Variants in ERICH1 observed in about 807,000 individuals in gnomAD.
ERICH1 encodes the protein glutamate rich 1.
ERICH1 carries 56 observed loss-of-function variants against 39.6 expected under a neutral mutation model. The observed-to-expected ratio is 1.41, with a 90% CI of 1.14 to 1.77. The LOEUF (loss-of-function observed/expected upper bound fraction) is 1.77. ERICH1 is among the 40% of genes most tolerant of loss of function. The pLI, the probability that ERICH1 is intolerant of heterozygous loss-of-function variation, is 0.00. For missense variants in ERICH1, 826 were observed against 575.4 expected, an observed-to-expected ratio of 1.44 and a Z score of -4.45; for synonymous variants, 313 against 223.6, an observed-to-expected ratio of 1.40 and a Z score of -3.57.
intron 3 of ERICH1, among the ~76,000 whole-genome samples, chr8:634,667 T>C (rs1032022890): frequency 6.6e-6 from 1 of 151,900 alleles, no homozygotes; most frequent in Non-Finnish European, 1.5e-5. Flanking sequence ...GCCCCCACGA[T>C]GGGTGGGGGG....
chr8:708,701 T>TTTG (rs1813997733), intron 2 of ERICH1, among the ~76,000 whole-genome samples: 1 of 136,572 alleles, frequency 7.3e-6, no homozygotes, highest in Non-Finnish European at 1.6e-5. Flanking sequence ...TTTTTTTTTT[T>TTTG]TTTTTTTTTT....
intron 2 of ERICH1, among the ~76,000 whole-genome samples, chr8:715,155 C>A (rs1184939903): frequency 4.0e-5 from 6 of 151,012 alleles, no homozygotes; most frequent in South Asian, 2.1e-4. Flanking sequence ...TGTGCTGCAC[C>A]CAGGTGGCCT....
At chr8:634,183 A>AACAAACAAACAAACAAAAAACAAAC (rs1554481906) in intron 3 of ERICH1, among the ~76,000 whole-genome samples, 6 of 135,846 alleles carry the variant, frequency 4.4e-5, no homozygotes, top group Admixed American at 1.5e-4. Context: ...AAAAAAAAAA[A>AACAAACAAACAAACAAAAAACAAAC]AAACAAACAA....
At chr8:722,168 C>T (rs1007868070) in intron 1 of ERICH1, among the ~76,000 whole-genome samples, 26 of 151,800 alleles carry the variant, frequency 1.7e-4, no homozygotes, top group African/African-American at 5.8e-4. Flanking sequence ...ACTCTAGTGC[C>T]CATCAAAAAG....
chr8:664,080 A>T, downstream of ERICH1: 1 of 283,808 alleles, frequency 3.5e-6, no homozygotes, highest in Non-Finnish European at 5.3e-6. Flanking sequence ...TTTAACACTT[A>T]GTAATACCAA....
At chr8:654,676 G>C (rs950464528) in intron 3 of ERICH1, among the ~76,000 whole-genome samples, 1 of 152,154 alleles carries the variant, frequency 6.6e-6, no homozygotes, top group African/African-American at 2.4e-5. Flanking sequence ...GATGGCTTAG[G>C]TGACGTCCCC....
intron 1 of ERICH1, chr8:725,739 C>G (rs540870348): frequency 6.5e-6 from 1 of 153,346 alleles, no homozygotes; most frequent in African/African-American, 2.4e-5. Context: ...CCGACCCTCA[C>G]CCCCCAACCT....
At chr8:650,147 C>T (rs1022094236) in intron 3 of ERICH1, among the ~76,000 whole-genome samples, 3 of 152,218 alleles carry the variant, frequency 2.0e-5, no homozygotes, top group Non-Finnish European at 2.9e-5. Context: ...GAGCTGAGGG[C>T]GCTTGCGTGT....
chr8:688,611 T>C (rs1456086187), intron 3 of ERICH1, among the ~76,000 whole-genome samples: 1 of 152,170 alleles, frequency 6.6e-6, no homozygotes, highest in African/African-American at 2.4e-5. Context: ...TTACTCAGTG[T>C]ACTTGCAAAA....
chr8:644,280 T>A (rs935203864), intron 3 of ERICH1, among the ~76,000 whole-genome samples: 1 of 152,212 alleles, frequency 6.6e-6, no homozygotes, highest in African/African-American at 2.4e-5. Flanking sequence ...CTGCAGAGGG[T>A]GGCTCCTTCT....
chr8:669,077 C>G (rs1307641297), intron 4 of ERICH1: 7 of 411,648 alleles, frequency 1.7e-5, no homozygotes, highest in African/African-American at 1.5e-4. Flanking sequence ...CCTGGCCCGT[C>G]TACACCTCTG....
chr8:699,110 G>T (rs1014596008), intron 2 of ERICH1, among the ~76,000 whole-genome samples: 9 of 151,854 alleles, frequency 5.9e-5, no homozygotes, highest in African/African-American at 1.9e-4. Context: ...GGGAAACCCT[G>T]TCTCAAAAAA....
chr8:725,032 C>CCTGCT (rs1338726452), intron 1 of ERICH1, among the ~76,000 whole-genome samples: 1 of 152,200 alleles, frequency 6.6e-6, no homozygotes, highest in African/African-American at 2.4e-5. Flanking sequence ...CGCAGTGATG[C>CCTGCT]CTGCTCACCT....
chr8:684,902 C>T (rs946872162), intron 3 of ERICH1, among the ~76,000 whole-genome samples: 4 of 152,154 alleles, frequency 2.6e-5, no homozygotes, highest in Non-Finnish European at 4.4e-5. Context: ...AATAAAATAT[C>T]ACAAGGCAAA....
intron 5 of ERICH1, 136 bp downstream of exon 5, chr8:668,462 C>G (rs931751854): frequency 3.8e-6 from 3 of 790,264 alleles, no homozygotes; most frequent in African/African-American, 3.4e-5. Context: ...CTCTCTGGGA[C>G]TCTATTCTCC....
At chr8:638,208 T>C (rs905341143) in intron 3 of ERICH1, among the ~76,000 whole-genome samples, 1 of 152,238 alleles carries the variant, frequency 6.6e-6, no homozygotes, top group Non-Finnish European at 1.5e-5. Flanking sequence ...TGGCGTTTCT[T>C]ATCTTTTACT....
At chr8:700,110 C>A (rs1317728995) in intron 2 of ERICH1, among the ~76,000 whole-genome samples, 2 of 141,496 alleles carry the variant, frequency 1.4e-5, no homozygotes, top group African/African-American at 5.3e-5. Context: ...CCCGCACACG[C>A]GCACACACCC....
chr8:685,710 G>C lies in ERICH1; in HGVS notation c.304+6768C>G, dbSNP rs183514795. Among the ~76,000 whole-genome samples, 18 of 152,280 alleles carry C rather than the reference G, an allele frequency of 1.2e-4. No individual in the cohort carries two copies. In the East Asian group the frequency reaches 3.3e-3, roughly 28 times the overall value. On this transcript the variant is annotated intron_variant, in intron 3 of 5. Transcript: ENST00000262109. ...CTCCGTTCGGGGTCCCTGACTTCCTGCAATAGGGGCATATTTTAGCATCTT... is the reference window on the plus strand; with the variant it reads ...CTCCGTTCGGGGTCCCTGACTTCCTCCAATAGGGGCATATTTTAGCATCTT...
intron 3 of ERICH1, among the ~76,000 whole-genome samples, chr8:681,967 C>A (rs1250183921): frequency 6.6e-6 from 1 of 152,214 alleles, no homozygotes; most frequent in East Asian, 1.9e-4. Flanking sequence ...CATTAAGAAT[C>A]CTGGTGGGTT....
Sources: allele counts gnomAD v4.1 joint callset (sites outside exome capture counted in the v4.1 genomes callset), GRCh38; gene constraint gnomAD v4.1.1; transcripts MANE v1.5; gene names NCBI Gene and HGNC (gene_info 2026-07-23, HGNC 2026-07-21).